Variants in CCDC150 observed in about 807,000 individuals in gnomAD.
The protein encoded by CCDC150 is coiled-coil domain containing 150.
Under a neutral mutation model 156.5 loss-of-function variants are expected in CCDC150, and 151 were observed. The observed-to-expected ratio is 0.97, with a 90% CI of 0.85 to 1.10. CCDC150 has a LOEUF of 1.10. CCDC150 is among the 50% of genes least tolerant of loss of function. The pLI is 0.00. For synonymous variants in CCDC150, 452 were observed against 429.4 expected (o/e 1.05, Z -0.65); for missense variants, 1,312 against 1,268.1 (o/e 1.03, Z -0.53).
chr2:196,713,496 G>C, intron 17 of CCDC150: 1 of 1,550,688 alleles, frequency 6.4e-7, no homozygotes, highest in Non-Finnish European at 8.7e-7. Flanking sequence ...TCTACACGCC[G>C]TGTGAGCTTT....
Position 196,672,369 on chromosome 2 carries a change from G to A in CCDC150, c.961G>A (p.Glu321Lys). 2.0e-6 allele frequency: 3 copies of A among 1,536,544 alleles called. No individual in the cohort carries two copies. Among genetic ancestry groups the A allele is most frequent in the African/African-American group, 1.4e-5 (1 of 71,888 alleles). Residue 321 changes from glutamate (E) to lysine (K), a missense_variant, in exon 9 of 28, where the codon GAA (glutamate) becomes AAA (lysine). Transcript: ENST00000389175. The stretch of plus-strand genomic sequence containing the variant: ...GAACCTGCAGATATCTTTCAACAAG[G>A]AACATGAAGAAAATGCATATTTGAG... Reference protein sequence around the residue: ...NKNLQISFNKEHEENAYLRSE... With the variant: ...NKNLQISFNKKHEENAYLRSE...
chr2:196,730,020 G>C lies in CCDC150; in HGVS notation c.2884G>C (p.Ala962Pro), dbSNP rs1413144287. Reference protein sequence around the residue: ...TNLQKEMQMLAKSQYDASVRN... With the variant: ...TNLQKEMQMLPKSQYDASVRN... ...CCTGCAGAAAGAGATGCAGATGTTG[G>C]CTAAGAGCCAATATGATGCCTCAGT... The change falls in exon 25 of 28, where the codon GCT becomes CCT. Residue 962 changes from alanine to proline, a missense_variant. By Grantham distance (27) the Ala-to-Pro change is conservative. Transcript: ENST00000389175. The C allele has an allele frequency of 6.2e-7, 1 of 1,613,790 alleles. No homozygotes were observed. Among genetic ancestry groups the C allele is most frequent in the Admixed American group, 1.7e-5 (1 of 59,976 alleles).
intron 25 of CCDC150, among the ~76,000 whole-genome samples, chr2:196,730,552 T>C (rs938961894): frequency 1.3e-5 from 2 of 152,172 alleles, no homozygotes; most frequent in Non-Finnish European, 2.9e-5. Flanking sequence ...ATCACTGAGC[T>C]CTTGTCTTTC....
chr2:196,686,494 A>G (rs112981666), intron 13 of CCDC150, among the ~76,000 whole-genome samples: 4,677 of 152,308 alleles, frequency 0.031, 125 homozygotes, highest in Non-Finnish European at 0.037. Flanking sequence ...TAGAGTTAAC[A>G]TCTCAGCAAT....
chr2:196,672,280 A>G (rs1394481902), intron 8 of CCDC150, 65 bp from the exon 9 acceptor site: 5 of 712,098 alleles, frequency 7.0e-6, no homozygotes, highest in Non-Finnish European at 6.3e-6. Flanking sequence ...CAAAACAGTT[A>G]TTTTTATAGG....
At position 196,732,527 on chromosome 2, in the gene CCDC150, C is replaced by G; in HGVS notation, c.3271C>G (p.Pro1091Ala). ...WERKQNLRPM[P>A]KKYHSEVQRK ...GAGAAAACAGAATCTTAGGCCCATGCCCAAGAAGTATCATTCTGAGGTACA... is the reference window on the plus strand; with the variant it reads ...GAGAAAACAGAATCTTAGGCCCATGGCCAAGAAGTATCATTCTGAGGTACA... Residue 1091 changes from proline (P) to alanine (A), a missense_variant, in exon 28 of 28, where the codon CCC becomes GCC. By Grantham distance (27) the Pro-to-Ala change is conservative (BLOSUM62 -1). Coordinates refer to ENST00000389175, the MANE Select transcript of CCDC150 (RefSeq NM_001080539.2). 1 of 1,613,254 alleles carries G rather than the reference C, an allele frequency of 6.2e-7. No individual in the cohort carries two copies. The highest frequency in any genetic ancestry group is 8.5e-7 in the Non-Finnish European group (1 of 1,179,292).
intron 2 of CCDC150, among the ~76,000 whole-genome samples, chr2:196,653,490 C>T (rs541349698): frequency 2.0e-5 from 3 of 152,166 alleles, no homozygotes; most frequent in Non-Finnish European, 4.4e-5. Flanking sequence ...TAGGGTGTCA[C>T]GTGAGTGACC....
At chr2:196,691,154 C>A (rs1461175322) in intron 13 of CCDC150, among the ~76,000 whole-genome samples, 1 of 152,052 alleles carries the variant, frequency 6.6e-6, no homozygotes, top group Non-Finnish European at 1.5e-5. Flanking sequence ...AGGATATTGG[C>A]CTGAAGTTTT....
Position 196,704,759 on chromosome 2 carries a change from T to G in CCDC150, c.1695+3579T>G, listed in dbSNP as rs189378799. 9.9e-5 allele frequency among the ~76,000 whole-genome samples: 15 copies of G among 152,234 alleles called. No homozygotes were observed. The East Asian group carries it at 2.9e-3, about 29-fold the overall frequency. ...TGTTCCCTGCCCTGTGTCCAGGTGT[T>G]GATGTTGTTCAATTCCCACCTATGA... is the stretch of plus-strand genomic sequence containing the variant. On this transcript the variant is annotated intron_variant, in intron 15 of 27. Coordinates refer to ENST00000389175, the MANE Select transcript of CCDC150 (RefSeq NM_001080539.2).
In CCDC150 at chr2:196,712,858, A is replaced by G. The variant is rs897535246; in HGVS notation, c.1866+119A>G. The G allele has an allele frequency of 5.3e-6, 4 of 754,894 alleles. No homozygotes were observed. The African/African-American group carries it at 7.0e-5, about 13-fold the overall frequency. The allele number at this position is 754,894 out of a possible 1,614,324, so 46.8% of individuals were successfully genotyped here. The stretch of plus-strand genomic sequence containing the variant: ...AAAAGTTAAGCAAGATAACAAAAAC[A>G]TTTAGTGAAGAACATACCCCAGGAA... On this transcript the variant is annotated intron_variant, in intron 17 of 27. Transcript: ENST00000389175.
chr2:196,680,144 T>C (rs1391802029), intron 13 of CCDC150, among the ~76,000 whole-genome samples: 1 of 152,176 alleles, frequency 6.6e-6, no homozygotes, highest in African/African-American at 2.4e-5. Flanking sequence ...ATTTAAAAAA[T>C]TTTGTGGATC....
At chr2:196,688,412 T>C (rs145467819) in intron 13 of CCDC150, among the ~76,000 whole-genome samples, 10 of 152,266 alleles carry the variant, frequency 6.6e-5, no homozygotes, top group Non-Finnish European at 1.3e-4. Context: ...CTGTTGTTGA[T>C]GTATGGGAAT....
At chr2:196,693,008 T>C (rs1189903603) in intron 13 of CCDC150, among the ~76,000 whole-genome samples, 1 of 152,254 alleles carries the variant, frequency 6.6e-6, no homozygotes, top group Admixed American at 6.5e-5. Context: ...CTGTGTTGGA[T>C]GCATATATAT....
chr2:196,666,809 G>A lies in CCDC150; in HGVS notation c.853G>A (p.Glu285Lys), dbSNP rs780235617. The change falls in exon 7 of 28, where the codon GAG becomes AAG. Residue 285 changes from glutamate to lysine, a missense_variant. Transcript: ENST00000389175. ...GGCCCAGGAACAAAAAAAAAAAGAA[G>A]AGTTGGAGATTGCTACTTCACAGCT... ...LLAQEQKKKE[E>K]LEIATSQLKS... 20 of 1,609,958 alleles carry A rather than the reference G, an allele frequency of 1.2e-5. No individual in the cohort carries two copies. The highest frequency in any genetic ancestry group is 1.7e-5 in the Non-Finnish European group (20 of 1,178,256).
chr2:196,647,547 C>G (rs6434874), intron 2 of CCDC150, among the ~76,000 whole-genome samples: 117,440 of 151,986 alleles, frequency 0.77, 45,580 homozygotes, highest in East Asian at 0.97. Context: ...TACCTAATAA[C>G]AAGAAATATA....
chr2:196,677,467 C>A, intron 13 of CCDC150, 106 bp downstream of exon 13: 3 of 747,988 alleles, frequency 4.0e-6, no homozygotes, highest in African/African-American at 1.8e-5. Context: ...TACCAAGCTG[C>A]AGGGAAAGGA....
At chr2:196,721,815 C>G (rs1559276842) in intron 21 of CCDC150, 124 bp downstream of exon 21, 1 of 732,032 alleles carries the variant, frequency 1.4e-6, no homozygotes, top group East Asian at 3.0e-5. Flanking sequence ...CCTAGTACTT[C>G]CAGCAGAGCC....
intron 2 of CCDC150, among the ~76,000 whole-genome samples, chr2:196,650,024 AC>A (rs1692782525): frequency 6.6e-6 from 1 of 152,148 alleles, no homozygotes; most frequent in African/African-American, 2.4e-5. Flanking sequence ...GCTAGGACTT[AC>A]AACAGTACAT....
chr2:196,688,841 A>T (rs1695269009), intron 13 of CCDC150, among the ~76,000 whole-genome samples: 3 of 150,564 alleles, frequency 2.0e-5, no homozygotes, highest in Non-Finnish European at 3.0e-5. Flanking sequence ...CTGAATGGTA[A>T]TGCCTAGGTT....
Sources: allele counts gnomAD v4.1 joint callset (sites outside exome capture counted in the v4.1 genomes callset), GRCh38; gene constraint gnomAD v4.1.1; transcripts MANE v1.5; gene names NCBI Gene and HGNC (gene_info 2026-07-23, HGNC 2026-07-21).